The following ITGA2 variants were observed in gnomAD, a reference collection of about 807,000 sequenced individuals.
ITGA2 encodes integrin subunit alpha 2.
ITGA2 carries 101 observed loss-of-function variants against 146.3 expected under a neutral mutation model. That is an observed-to-expected ratio of 0.69 (90% CI 0.59 to 0.81). The LOEUF (loss-of-function observed/expected upper bound fraction) is 0.81, where lower values mean the gene tolerates loss of function less well. ITGA2 is among the 40% of genes least tolerant of loss of function. The pLI, the probability that ITGA2 is intolerant of heterozygous loss-of-function variation, is 0.00. For missense variants in ITGA2, 1,281 were observed against 1,402.7 expected (o/e 0.91, Z 1.39); for synonymous variants, 477 against 487.1 (o/e 0.98, Z 0.27).
At chr5:53,006,038 A>T (rs572484548) in intron 1 of ITGA2, among the ~76,000 whole-genome samples, 43 of 152,118 alleles carry the variant, frequency 2.8e-4, no homozygotes, top group Non-Finnish European at 5.1e-4. Context: ...CCGGGAGGGG[A>T]ACAACACACA....
At chr5:53,089,833 GT>G in intron 28 of ITGA2, 112 bp from the exon 29 acceptor site, 1 of 768,056 alleles carries the variant, frequency 1.3e-6, no homozygotes, top group Non-Finnish European at 2.4e-6. Flanking sequence ...AGCAAGTCTT[GT>G]CACCTTTCTA....
intron 28 of ITGA2, among the ~76,000 whole-genome samples, chr5:53,089,660 A>G (rs768048068): frequency 5.3e-5 from 8 of 152,222 alleles, no homozygotes; most frequent in Non-Finnish European, 8.8e-5. Flanking sequence ...TTTCTATTTC[A>G]TAAGTAAGAT....
At chr5:53,079,887 A>G (rs1745833928) in intron 24 of ITGA2, among the ~76,000 whole-genome samples, 1 of 152,120 alleles carries the variant, frequency 6.6e-6, no homozygotes, top group African/African-American at 2.4e-5. Context: ...TGTTATTTAA[A>G]ATATTTAAAT....
At position 53,051,449 on chromosome 5, in the gene ITGA2, G is replaced by A. The variant is rs746207527; in HGVS notation, c.669G>A (p.Val223=). 6 of 1,613,568 alleles carry A rather than the reference G, an allele frequency of 3.7e-6. No homozygotes were observed. Among genetic ancestry groups the A allele is most frequent in the South Asian group, 3.3e-5 (3 of 91,068 alleles). ...LIQYANNPRV[V]FNLNTYKTKE... is the part of the protein sequence containing the mutation. ...AGTATGCCAATAATCCAAGAGTTGT[G>A]TTTAACTTGAACACATATAAAACCA... Residue 223 remains valine, a synonymous_variant, in exon 7 of 30, where the codon GTG becomes GTA. Transcript: ENST00000296585.
chr5:53,076,856 A>G (rs1394431433), intron 23 of ITGA2, among the ~76,000 whole-genome samples: 1 of 152,070 alleles, frequency 6.6e-6, no homozygotes, highest in Non-Finnish European at 1.5e-5. Context: ...TATAAAGAAC[A>G]AAAGTTAAAA....
intron 29 of ITGA2, 55 bp from the exon 30 acceptor site, chr5:53,090,464 G>T (rs999185696): frequency 1.3e-6 from 2 of 1,494,636 alleles, no homozygotes; most frequent in South Asian, 1.1e-5. Context: ...GGGGTCAGAG[G>T]CACCTTACAA....
intron 2 of ITGA2, among the ~76,000 whole-genome samples, chr5:53,031,164 A>T (rs1392443403): frequency 6.6e-6 from 1 of 152,274 alleles, no homozygotes; most frequent in African/African-American, 2.4e-5. Flanking sequence ...GAAGTAGCAG[A>T]TGTGGGAAGG....
chr5:53,073,474 T>A (rs966846650), intron 20 of ITGA2, among the ~76,000 whole-genome samples: 18 of 151,876 alleles, frequency 1.2e-4, no homozygotes, highest in Non-Finnish European at 2.2e-4. Flanking sequence ...TCCCTTATCC[T>A]GAGACTTGGC....
At chr5:53,076,528 C>G (rs1745670090) in intron 23 of ITGA2, among the ~76,000 whole-genome samples, 1 of 151,976 alleles carries the variant, frequency 6.6e-6, no homozygotes, top group African/African-American at 2.4e-5. Context: ...CAAAGGATCC[C>G]CACTTGCTAA....
chr5:53,025,085 C>T (rs1300760543), intron 1 of ITGA2, among the ~76,000 whole-genome samples: 1 of 152,076 alleles, frequency 6.6e-6, no homozygotes, highest in East Asian at 1.9e-4. Context: ...AGTCACGTGT[C>T]CTTTCCAGAA....
chr5:53,066,675 T>A (rs1579880101), intron 15 of ITGA2, among the ~76,000 whole-genome samples: 1 of 152,062 alleles, frequency 6.6e-6, no homozygotes, highest in African/African-American at 2.4e-5. Flanking sequence ...TTAATGATAC[T>A]ATTTACAAAT....
intron 1 of ITGA2, among the ~76,000 whole-genome samples, chr5:53,000,897 G>GTTTTTTTTTTTTT (rs369482288): frequency 7.4e-4 from 72 of 97,214 alleles, no homozygotes; most frequent in Non-Finnish European, 8.7e-4. Context: ...TTTTCTTTTT[G>GTTTTTTTTTTTTT]TTTTTTTTTT....
intron 1 of ITGA2, among the ~76,000 whole-genome samples, chr5:53,000,095 T>A (rs1372055252): frequency 6.6e-6 from 1 of 152,188 alleles, no homozygotes; most frequent in African/African-American, 2.4e-5. Flanking sequence ...AATTATACAA[T>A]ACATATTATT....
At chr5:52,989,622 C>T (rs953110462) in intron 1 of ITGA2, 90 bp downstream of exon 1, 2 of 1,415,986 alleles carry the variant, frequency 1.4e-6, no homozygotes, top group African/African-American at 1.4e-5. Flanking sequence ...AACTAGGGAG[C>T]GAGCTCCGTG....
chr5:53,073,844 T>C (rs1745517786), intron 20 of ITGA2, among the ~76,000 whole-genome samples: 1 of 149,428 alleles, frequency 6.7e-6, no homozygotes, highest in African/African-American at 2.5e-5. Context: ...GTGATCTTAA[T>C]AGGCTTAGAG....
chr5:53,060,794 C>T (rs933977527), intron 11 of ITGA2, 107 bp from the exon 12 acceptor site: 7 of 1,059,294 alleles, frequency 6.6e-6, no homozygotes, highest in East Asian at 4.8e-5. Context: ...AGAAACTTTG[C>T]ATCACATCTA....
intron 28 of ITGA2, 124 bp downstream of exon 28, chr5:53,087,165 G>A: frequency 1.3e-6 from 1 of 743,712 alleles, no homozygotes; most frequent in Non-Finnish European, 2.4e-6. Context: ...AAACTTTAAA[G>A]ATCTGATGTT....
chr5:53,020,306 C>G (rs544739255), intron 1 of ITGA2, among the ~76,000 whole-genome samples: 54 of 152,222 alleles, frequency 3.5e-4, no homozygotes, highest in African/African-American at 1.3e-3. Flanking sequence ...CAGATATGAA[C>G]AAGTTTATAC....
At chr5:52,990,938 T>G (rs1379301025) in intron 1 of ITGA2, among the ~76,000 whole-genome samples, 2 of 152,184 alleles carry the variant, frequency 1.3e-5, no homozygotes, top group Non-Finnish European at 2.9e-5. Context: ...AAACCCAAGC[T>G]TTTCATCTCT....
Sources: gnomAD v4.1 joint callset for allele counts (sites outside exome capture counted in the v4.1 genomes callset) on GRCh38, gnomAD v4.1.1 for gene constraint, MANE v1.5 for transcripts, NCBI Gene and HGNC (gene_info 2026-07-23, HGNC 2026-07-21) for gene names.